Variants in ZZEF1 observed in about 807,000 individuals in gnomAD.
The protein encoded by ZZEF1 is zinc finger ZZ-type and EF-hand domain containing 1.
ZZEF1 carries 157 observed loss-of-function variants against 342.8 expected under a neutral mutation model. The observed-to-expected ratio is 0.46, with a 90% CI of 0.40 to 0.52. The LOEUF is 0.52. Among genes scored for constraint, ZZEF1 ranks in the 20% least tolerant of loss-of-function variants. ZZEF1 has a pLI of 0.00. For synonymous variants in ZZEF1, 1,505 were observed against 1,429.1 expected, an observed-to-expected ratio of 1.05 and a Z score of -1.20; for missense variants, 3,480 against 3,725.6, an observed-to-expected ratio of 0.93 and a Z score of 1.72.
chr17:4,061,242 G>A (rs1008929319), intron 30 of ZZEF1, among the ~76,000 whole-genome samples: 1 of 152,168 alleles, frequency 6.6e-6, no homozygotes, highest in Non-Finnish European at 1.5e-5. Flanking sequence ...GCACTCACCT[G>A]ACATTCTTAT....
chr17:4,021,431 C>A, intron 44 of ZZEF1, 111 bp from the exon 45 acceptor site: 1 of 735,690 alleles, frequency 1.4e-6, no homozygotes, highest in East Asian at 2.9e-5. Flanking sequence ...TCAGAATCTA[C>A]CTGAAGAATG....
chr17:4,141,952 C>T (rs2058859098), intron 1 of ZZEF1, among the ~76,000 whole-genome samples: 2 of 152,164 alleles, frequency 1.3e-5, no homozygotes, highest in South Asian at 4.1e-4. Context: ...TCACAGGAAA[C>T]CTGGTATTTG....
intron 5 of ZZEF1, among the ~76,000 whole-genome samples, 186 bp from the exon 6 acceptor site, chr17:4,110,049 C>T (rs2058271860): frequency 6.6e-6 from 1 of 152,052 alleles, no homozygotes; most frequent in East Asian, 1.9e-4. Context: ...AAAGCTTTGA[C>T]AAATCTAAGA....
chr17:4,047,360 A>G (rs1049299954), intron 37 of ZZEF1, among the ~76,000 whole-genome samples: 3 of 152,200 alleles, frequency 2.0e-5, no homozygotes, highest in Non-Finnish European at 4.4e-5. Context: ...AAAATAAATA[A>G]TGGGTCAGGC....
intron 24 of ZZEF1, among the ~76,000 whole-genome samples, chr17:4,073,609 CA>C (rs1245512779): frequency 1.3e-5 from 2 of 152,004 alleles, no homozygotes; most frequent in African/African-American, 4.8e-5. Context: ...CTAATTTTTA[CA>C]TTTTTTTTGG....
At chr17:4,045,906 C>A (rs2145134183) in intron 37 of ZZEF1, among the ~76,000 whole-genome samples, 1 of 151,542 alleles carries the variant, frequency 6.6e-6, no homozygotes, top group Non-Finnish European at 1.5e-5. Context: ...CGGCTCACTG[C>A]AAGCTCCGCC....
At chr17:4,039,792 C>T (rs978342226) in intron 39 of ZZEF1, among the ~76,000 whole-genome samples, 17 of 151,402 alleles carry the variant, frequency 1.1e-4, no homozygotes, top group South Asian at 1.0e-3. Context: ...TACAGGCGCC[C>T]GCCACCACGC....
At chr17:4,133,861 TG>T (rs1365618373) in intron 1 of ZZEF1, among the ~76,000 whole-genome samples, 1 of 151,818 alleles carries the variant, frequency 6.6e-6, no homozygotes, top group East Asian at 2.0e-4. Context: ...GGCTGGGACA[TG>T]CTCAGCTAGT....
Position 4,142,550 on chromosome 17 carries a change from A to T in ZZEF1, c.346T>A (p.Phe116Ile). 1 of 1,597,230 alleles carries T rather than the reference A, an allele frequency of 6.3e-7. No individual in the cohort carries two copies. Among genetic ancestry groups the T allele is most frequent in the Non-Finnish European group, 8.5e-7 (1 of 1,177,630 alleles). The change falls in exon 1 of 55, where the codon TTC becomes ATC. Residue 116 changes from phenylalanine to isoleucine, a missense_variant. Phe to Ile is a conservative substitution (Grantham distance 21). This residue lies in a region of ZZEF1 where 416 missense variants were observed against 374.2 expected (regional missense o/e 1.11). Transcript: ENST00000381638. ...CGCCTGCCGGCCCTGACCTCCTCGA[A>T]CTGCTCGCTAGAGCAGCCGGCGCCG... Reference protein sequence around the residue: ...ARGAGCSSEQFEEAFAQFDAE... With the variant: ...ARGAGCSSEQIEEAFAQFDAE...
Position 4,016,538 on chromosome 17 carries a change from C to G in ZZEF1, c.8002-72G>C, listed in dbSNP as rs987734203. On this transcript the variant is annotated intron_variant, in intron 48 of 54. Transcript: ENST00000381638. The surrounding 1 kb of genome is among the most constrained non-coding windows in gnomAD (Gnocchi z 4.4). Reference sequence around the variant, plus strand: ...GGAAGAAGGGACAGTTTACTTCAACCCAAGCTCCACCCAAAGGTGCTGGCA... The same window carrying G: ...GGAAGAAGGGACAGTTTACTTCAACGCAAGCTCCACCCAAAGGTGCTGGCA... The G allele has an allele frequency of 1.3e-6, 2 of 1,522,186 alleles. No homozygotes were observed. Among genetic ancestry groups the G allele is most frequent in the Admixed American group, 4.2e-5 (2 of 47,428 alleles). 94.3% of individuals were successfully genotyped at this position (1,522,186 alleles called of 1,614,324 possible). A position where few individuals can be genotyped will look rare whatever the true frequency, so the allele number is the denominator to read the frequency against.
At chr17:4,113,815 A>G (rs911095473) in intron 4 of ZZEF1, among the ~76,000 whole-genome samples, 4 of 152,126 alleles carry the variant, frequency 2.6e-5, no homozygotes, top group African/African-American at 9.7e-5. Flanking sequence ...ACAAAAAAGT[A>G]TAAAGAAATT....
intron 1 of ZZEF1, among the ~76,000 whole-genome samples, chr17:4,132,988 G>A (rs1028389593): frequency 2.0e-5 from 3 of 152,114 alleles, no homozygotes; most frequent in East Asian, 1.9e-4. Context: ...GGAGCAGGTG[G>A]GGGAAGAAGG....
intron 1 of ZZEF1, among the ~76,000 whole-genome samples, chr17:4,141,109 A>G (rs539408976): frequency 6.6e-6 from 1 of 152,124 alleles, no homozygotes; most frequent in East Asian, 1.9e-4. Context: ...GGGTTTCACC[A>G]CGTTGGCCAG....
chr17:4,081,340 T>A (rs1254068524), intron 18 of ZZEF1, 36 bp downstream of exon 18: 1 of 1,571,466 alleles, frequency 6.4e-7, no homozygotes, highest in Non-Finnish European at 8.7e-7. Context: ...CCCACAAGCA[T>A]GAGACAAAGA....
At chr17:4,087,382 C>T (rs2057851917) in intron 14 of ZZEF1, 52 bp downstream of exon 14, 1 of 1,438,276 alleles carries the variant, frequency 7.0e-7, no homozygotes, top group Non-Finnish European at 9.5e-7. Flanking sequence ...AATAGTAAAA[C>T]TCATTGTTTT....
rs1177313801 is a variant in ZZEF1 at position 4,005,579 on chromosome 17, A to C, written c.*1311T>G. ...TGCTCTTATAGGAAGATGCTTCCAGACCTGCAGACTTGGGCCCTTGCAATC... is the reference window on the plus strand; with the variant it reads ...TGCTCTTATAGGAAGATGCTTCCAGCCCTGCAGACTTGGGCCCTTGCAATC... On this transcript the variant is annotated 3_prime_UTR_variant, in exon 55 of 55. Transcript: ENST00000381638. 1 of 152,456 alleles carries C rather than the reference A, an allele frequency of 6.6e-6. No individual in the cohort carries two copies. Among genetic ancestry groups the C allele is most frequent in the Admixed American group, 6.5e-5 (1 of 15,284 alleles). The allele number at this position is 152,456 out of a possible 1,614,324, so 9.4% of individuals were successfully genotyped here.
Position 4,046,064 on chromosome 17 carries a change from C to T in ZZEF1, c.6016-1690G>A, listed in dbSNP as rs144358650. On this transcript the variant is annotated intron_variant, in intron 37 of 54. Coordinates refer to ENST00000381638, the MANE Select transcript of ZZEF1 (RefSeq NM_015113.4). ...GGATGGTCTTGATCTCCTGACCTTG[C>T]GATCCACCCATCTTGGCCTCCCAAA... 5.5e-3 allele frequency among the ~76,000 whole-genome samples: 832 copies of T among 152,210 alleles called. 12 individuals carry two copies. The highest frequency in any genetic ancestry group is 0.019 in the African/African-American group (786 of 41,542).
At chr17:4,053,026 C>T (rs77781816) in intron 34 of ZZEF1, among the ~76,000 whole-genome samples, 3,054 of 152,330 alleles carry the variant, frequency 0.02, 37 homozygotes, top group Middle Eastern at 0.034. Flanking sequence ...ATGCTCCTCG[C>T]GCCTGGCCCA....
In ZZEF1 at chr17:4,066,454, C is replaced by T. The variant is rs369759787; in HGVS notation, c.4242G>A (p.Glu1414=). 9 of 1,614,014 alleles carry T rather than the reference C, an allele frequency of 5.6e-6. No individual in the cohort carries two copies. Among genetic ancestry groups the T allele is most frequent in the Non-Finnish European group, 7.6e-6 (9 of 1,180,000 alleles). Residue 1414 remains glutamate (E), a synonymous_variant, in exon 28 of 55, where the codon GAG becomes GAA. Coordinates refer to ENST00000381638, the MANE Select transcript of ZZEF1 (RefSeq NM_015113.4). ...TGGTGTTAGCACACTCACCCAGGCT[C>T]TCAGGGTTCACCTCAGTAGCTTCTG... ...HSSEATEVNP[E]SLAKECIEKS...
Sources: allele counts gnomAD v4.1 joint callset (sites outside exome capture counted in the v4.1 genomes callset), GRCh38; gene constraint gnomAD v4.1.1; regional missense constraint gnomAD v4.1.1; non-coding constraint Gnocchi (gnomAD v3.1); transcripts MANE v1.5; gene names NCBI Gene and HGNC (gene_info 2026-07-23, HGNC 2026-07-21).